ST3GAL2: variants seen among roughly 807,000 people sequenced by gnomAD.
ST3GAL2 encodes ST3 beta-galactoside alpha-2,3-sialyltransferase 2.
A neutral mutation model predicts 37.5 loss-of-function variants in ST3GAL2; 16 were observed. The observed-to-expected ratio is 0.43, with a 90% CI of 0.29 to 0.65. The LOEUF is 0.65. Ranked by LOEUF, ST3GAL2 falls within the 30% of genes least tolerant of loss-of-function variation. ST3GAL2 has a pLI of 0.17. For synonymous variants in ST3GAL2, 238 were observed against 202.9 expected, an observed-to-expected ratio of 1.17 and a Z score of -1.47; for missense variants, 383 against 487.8, an observed-to-expected ratio of 0.79 and a Z score of 2.02.
At chr16:70,423,841 C>A (rs189365079) in intron 1 of ST3GAL2, among the ~76,000 whole-genome samples, 1 of 151,648 alleles carries the variant, frequency 6.6e-6, no homozygotes, top group Non-Finnish European at 1.5e-5. Flanking sequence ...GAGGCTGAGG[C>A]GGGCAGATCA....
rs1205853806 is a variant in ST3GAL2, at chr16:70,378,433, G to C, written c.*3256C>G. 2.0e-5 allele frequency: 3 copies of C among 146,698 alleles called. No homozygotes were observed. Among genetic ancestry groups the C allele is most frequent in the Non-Finnish European group, 4.5e-5 (3 of 67,092 alleles). 9.1% of individuals were successfully genotyped at this position (146,698 alleles called of 1,614,324 possible). On this transcript the variant is annotated 3_prime_UTR_variant, in exon 7 of 7. Coordinates refer to ENST00000342907, the MANE Select transcript of ST3GAL2 (RefSeq NM_006927.4). ...AAAAAAAAAAAAAAAAGCCAGGCGC[G>C]GTGGCTCACGCCTGTAATCCCAGCA...
chr16:70,403,862 G>C, intron 1 of ST3GAL2, among the ~76,000 whole-genome samples: 1 of 152,040 alleles, frequency 6.6e-6, no homozygotes, highest in Non-Finnish European at 1.5e-5. Context: ...ATGGTGGCAG[G>C]TGCCTGTAGT....
intron 1 of ST3GAL2, among the ~76,000 whole-genome samples, chr16:70,405,188 G>C (rs2047581373): frequency 3.9e-5 from 6 of 152,136 alleles, no homozygotes; most frequent in Admixed American, 3.9e-4. Flanking sequence ...ATATAAAAAG[G>C]AATCAAGTTC....
chr16:70,437,553 T>C (rs1597580708), intron 1 of ST3GAL2, among the ~76,000 whole-genome samples: 1 of 127,992 alleles, frequency 7.8e-6, no homozygotes, highest in East Asian at 2.2e-4. Flanking sequence ...ACCTGAATAA[T>C]ACAGGCAAAT....
At chr16:70,409,282 G>C (rs1239044083) in intron 1 of ST3GAL2, among the ~76,000 whole-genome samples, 1 of 151,996 alleles carries the variant, frequency 6.6e-6, no homozygotes, top group Non-Finnish European at 1.5e-5. Flanking sequence ...TATGAAAAAA[G>C]TTCAAACCAC....
rs1253371838 is a variant in ST3GAL2, at chr16:70,380,083, C to G, written c.*1606G>C. 1.3e-5 allele frequency: 2 copies of G among 152,306 alleles called. No individual in the cohort carries two copies. The highest frequency in any genetic ancestry group is 2.9e-5 in the Non-Finnish European group (2 of 68,150). 9.4% of individuals were successfully genotyped at this position (152,306 alleles called of 1,614,324 possible). On this transcript the variant is annotated 3_prime_UTR_variant, in exon 7 of 7. Coordinates refer to ENST00000342907, the MANE Select transcript of ST3GAL2 (RefSeq NM_006927.4). ...TGGGAGTGGCAAGACTGGCTGAGGCCTAGCTCTCTAAAACGGTGGGGGAGG... is the reference window on the plus strand; with the variant it reads ...TGGGAGTGGCAAGACTGGCTGAGGCGTAGCTCTCTAAAACGGTGGGGGAGG...
At chr16:70,426,139 C>A (rs1200565362) in intron 1 of ST3GAL2, among the ~76,000 whole-genome samples, 1 of 150,074 alleles carries the variant, frequency 6.7e-6, no homozygotes, top group East Asian at 2.0e-4. Context: ...TAGGATCCTA[C>A]GTTCCATTGC....
chr16:70,413,222 C>T (rs55775924), intron 1 of ST3GAL2, among the ~76,000 whole-genome samples: 12,012 of 151,048 alleles, frequency 0.08, 1,590 homozygotes, highest in African/African-American at 0.28. Context: ...TGCACTCCAG[C>T]CTGGGCAACA....
rs199518613 is a variant in ST3GAL2, at chr16:70,394,945, C to T, written c.533+37G>A. ...GAGGGCAGTCCCCTTCCCGGAGGCC[C>T]ATCCTGAGCCCACCCTTGGGCTCCA... On this transcript the variant is annotated intron_variant, in intron 3 of 6. Transcript: ENST00000342907. 1.6e-3 allele frequency: 2,582 copies of T among 1,594,884 alleles called. 7 individuals carry two copies. Among genetic ancestry groups the T allele is most frequent in the Non-Finnish European group, 1.7e-3 (2,021 of 1,174,098 alleles).
At position 70,414,525 on chromosome 16, in the gene ST3GAL2, C is replaced by T. The variant is rs2047661640; in HGVS notation, c.-1003-14992G>A. 2.0e-5 allele frequency among the ~76,000 whole-genome samples: 3 copies of T among 152,212 alleles called. No individual in the cohort carries two copies. In the South Asian group the frequency reaches 6.2e-4, roughly 31 times the overall value. On this transcript the variant is annotated intron_variant, in intron 1 of 6. Transcript: ENST00000342907. ...ATACAAACACCCCTGATGGAAGGCC[C>T]ATCTGACTCTCTTCAAGTCCCCAGT...
chr16:70,430,004 C>T (rs112229907), intron 1 of ST3GAL2, among the ~76,000 whole-genome samples: 1 of 152,210 alleles, frequency 6.6e-6, no homozygotes, highest in African/African-American at 2.4e-5. Context: ...CCAGACCAAG[C>T]CCTAGACTGT....
intron 1 of ST3GAL2, among the ~76,000 whole-genome samples, chr16:70,418,302 G>C (rs1453503966): frequency 6.6e-6 from 1 of 152,156 alleles, no homozygotes; most frequent in African/African-American, 2.4e-5. Context: ...GGGCTCCTCT[G>C]TTTTGAGGAC....
intron 3 of ST3GAL2, among the ~76,000 whole-genome samples, chr16:70,390,846 C>T (rs1745747383): frequency 6.6e-6 from 1 of 152,218 alleles, no homozygotes; most frequent in African/African-American, 2.4e-5. Flanking sequence ...CAGGTTTAAA[C>T]ACAAACCTGT....
intron 1 of ST3GAL2, among the ~76,000 whole-genome samples, chr16:70,411,109 G>C (rs1477416624): frequency 2.0e-5 from 3 of 152,134 alleles, no homozygotes; most frequent in Admixed American, 2.0e-4. Context: ...AAGCAGCCGG[G>C]CGCAGTGGCT....
chr16:70,424,665 G>A (rs2047738721), intron 1 of ST3GAL2, among the ~76,000 whole-genome samples: 1 of 152,162 alleles, frequency 6.6e-6, no homozygotes, highest in South Asian at 2.1e-4. Context: ...GAAAATGGTT[G>A]CACATGGTGT....
chr16:70,380,311 C>T lies in ST3GAL2; in HGVS notation c.*1378G>A, dbSNP rs558343579. Reference sequence around the variant, plus strand: ...CCCTCAGCCAGCTGCAGGAACCTACCAACGGCCAGGAAGCTGCCTGGTGGT... The same window carrying T: ...CCCTCAGCCAGCTGCAGGAACCTACTAACGGCCAGGAAGCTGCCTGGTGGT... On this transcript the variant is annotated 3_prime_UTR_variant, in exon 7 of 7. Coordinates refer to ENST00000342907, the MANE Select transcript of ST3GAL2 (RefSeq NM_006927.4). 1.4e-4 allele frequency: 22 copies of T among 152,452 alleles called. No homozygotes were observed. Among genetic ancestry groups the T allele is most frequent in the African/African-American group, 5.3e-4 (22 of 41,578 alleles). 9.4% of individuals were successfully genotyped at this position (152,452 alleles called of 1,614,324 possible).
rs112957273 is a variant in ST3GAL2 at position 70,417,767 on chromosome 16, G to T, written c.-1003-18234C>A. On this transcript the variant is annotated intron_variant, in intron 1 of 6. Coordinates refer to ENST00000342907, the MANE Select transcript of ST3GAL2 (RefSeq NM_006927.4). ...GTGGGATGAATAAACGGTGGACCAGGGGAAGCCAGAGAGGGTCTGGAGTGT... is the reference window on the plus strand; with the variant it reads ...GTGGGATGAATAAACGGTGGACCAGTGGAAGCCAGAGAGGGTCTGGAGTGT... 2.6e-5 allele frequency among the ~76,000 whole-genome samples: 4 copies of T among 152,160 alleles called. No homozygotes were observed. The East Asian group carries it at 7.7e-4, about 29-fold the overall frequency.
intron 1 of ST3GAL2, among the ~76,000 whole-genome samples, chr16:70,430,489 A>G (rs2047781874): frequency 6.6e-6 from 1 of 152,204 alleles, no homozygotes; most frequent in East Asian, 1.9e-4. Flanking sequence ...CCCATGCCAC[A>G]GCCTCTTCCC....
At chr16:70,390,085 CCT>C (rs1327540626) in intron 3 of ST3GAL2, among the ~76,000 whole-genome samples, 5 of 149,828 alleles carry the variant, frequency 3.3e-5, no homozygotes, top group Non-Finnish European at 5.9e-5. Flanking sequence ...CACGCTCGGC[CCT>C]GTTTGTCTTT....
Sources: allele counts gnomAD v4.1 joint callset (sites outside exome capture counted in the v4.1 genomes callset), GRCh38; gene constraint gnomAD v4.1.1; transcripts MANE v1.5; gene names NCBI Gene and HGNC (gene_info 2026-07-23, HGNC 2026-07-21).